FRMPD3: variants seen among roughly 807,000 people sequenced by gnomAD.
FRMPD3 encodes FERM and PDZ domain containing 3, also known as FERM and PDZ domain-containing protein 3.
FRMPD3 carries 42 observed loss-of-function variants against 97.9 expected under a neutral mutation model. That is an observed-to-expected ratio of 0.43 (90% CI 0.34 to 0.55). The LOEUF is 0.55. FRMPD3 is among the 20% of genes least tolerant of loss of function. FRMPD3 has a pLI of 0.03. For synonymous variants in FRMPD3, 577 were observed against 581.1 expected, an observed-to-expected ratio of 0.99 and a Z score of 0.10; for missense variants, 1,303 against 1,457.7, an observed-to-expected ratio of 0.89 and a Z score of 1.73.
chrX:107,502,449 ATAT>A (rs1284439610), intron 1 of FRMPD3, among the ~76,000 whole-genome samples: 1 of 111,190 alleles, frequency 9.0e-6, no homozygotes, highest in Non-Finnish European at 1.9e-5. Context: ...CAACTTCAAC[ATAT>A]TTGGCCTCAT....
rs1312462407 is a variant in FRMPD3 at position 107,604,499 on chromosome X, C to T, written c.*1126C>T. The T allele has an allele frequency of 9.2e-6, 1 of 109,227 alleles. No homozygotes were observed. Among genetic ancestry groups the T allele is most frequent in the Non-Finnish European group, 1.9e-5 (1 of 52,336 alleles). The allele number at this position is 109,227 out of a possible 1,213,427, so 9.0% of individuals were successfully genotyped here. ...GGAGCCATCTGGAAGGGAATTCACACTGTTTAACATCCACCTTGACACACA... is the reference window on the plus strand; with the variant it reads ...GGAGCCATCTGGAAGGGAATTCACATTGTTTAACATCCACCTTGACACACA... On this transcript the variant is annotated 3_prime_UTR_variant, in exon 15 of 15. Transcript: ENST00000683843.
intron 1 of FRMPD3, among the ~76,000 whole-genome samples, chrX:107,499,933 C>T (rs1921865063): frequency 9.0e-6 from 1 of 111,420 alleles, no homozygotes; most frequent in African/African-American, 3.3e-5. Flanking sequence ...TAACTGCCCT[C>T]CAAAACACCA....
intron 8 of FRMPD3, among the ~76,000 whole-genome samples, chrX:107,557,530 CTT>C (rs762713282): frequency 1.8e-5 from 2 of 108,630 alleles, no homozygotes; most frequent in East Asian, 2.9e-4. Flanking sequence ...TCTAAAAAAT[CTT>C]TGTCTAACCC....
intron 1 of FRMPD3, among the ~76,000 whole-genome samples, chrX:107,516,108 G>A (rs1407272750): frequency 1.0e-5 from 1 of 98,750 alleles, no homozygotes; most frequent in African/African-American, 3.8e-5. Context: ...TCCCACCTAT[G>A]AGTGAGAACA....
chrX:107,457,535 A>G (rs1480853525), intron 1 of FRMPD3, among the ~76,000 whole-genome samples: 3 of 111,726 alleles, frequency 2.7e-5, no homozygotes, highest in Non-Finnish European at 3.8e-5. Context: ...AGACACAGCC[A>G]ATGAGCATAG....
intron 12 of FRMPD3, among the ~76,000 whole-genome samples, chrX:107,567,936 G>T (rs745519162): frequency 3.8e-4 from 42 of 110,918 alleles, no homozygotes; most frequent in African/African-American, 1.0e-3. Flanking sequence ...AAAAAGAGGA[G>T]ATGTGAAATA....
chrX:107,522,323 C>T (rs928231471), intron 1 of FRMPD3: 1 of 504,759 alleles, frequency 2.0e-6, no homozygotes, highest in Admixed American at 2.8e-5. Context: ...TAACCATGAT[C>T]TCATTTCATT....
chrX:107,579,099 A>G (rs182150646), intron 13 of FRMPD3, among the ~76,000 whole-genome samples: 7 of 112,142 alleles, frequency 6.2e-5, no homozygotes, highest in African/African-American at 9.7e-5. Flanking sequence ...ACAAAGGCCA[A>G]TAGGGAATAG....
At chrX:107,565,694 CA>C (rs113816307) in intron 12 of FRMPD3, among the ~76,000 whole-genome samples, 54 of 68,023 alleles carry the variant, frequency 7.9e-4, no homozygotes, top group East Asian at 1.3e-3. Context: ...AACCCTGTCT[CA>C]AAAAAAAAAA....
chrX:107,550,966 G>C (rs1921837665), intron 6 of FRMPD3, among the ~76,000 whole-genome samples: 1 of 111,906 alleles, frequency 8.9e-6, no homozygotes, highest in African/African-American at 3.2e-5. Flanking sequence ...TGGGACCAAG[G>C]CAATCCTATA....
intron 1 of FRMPD3, among the ~76,000 whole-genome samples, chrX:107,478,083 T>G (rs998485372): frequency 1.8e-5 from 2 of 112,104 alleles, no homozygotes; most frequent in African/African-American, 6.5e-5. Context: ...GAACAACAGA[T>G]AATCACAGAC....
intron 4 of FRMPD3, among the ~76,000 whole-genome samples, chrX:107,543,546 G>A (rs772463203): frequency 3.6e-5 from 4 of 111,018 alleles, no homozygotes; most frequent in Non-Finnish European, 5.7e-5. Flanking sequence ...GCCGGGCGCC[G>A]TGGCTCATAC....
intron 1 of FRMPD3, among the ~76,000 whole-genome samples, chrX:107,524,783 G>C (rs903366712): frequency 9.1e-6 from 1 of 109,970 alleles, no homozygotes; most frequent in Non-Finnish European, 1.9e-5. Context: ...GCCTGAGGTC[G>C]GGAGTTCAAG....
At chrX:107,533,437 T>C in intron 3 of FRMPD3, 68 bp from the exon 4 acceptor site, 1 of 978,046 alleles carries the variant, frequency 1.0e-6, no homozygotes, top group Non-Finnish European at 1.4e-6. Flanking sequence ...ATTCTGGTGT[T>C]GCTTCTTGTA....
In FRMPD3 at chrX:107,563,186, A is replaced by G; in HGVS notation, c.1102A>G (p.Asn368Asp). 1 of 1,207,385 alleles carries G rather than the reference A, an allele frequency of 8.3e-7. No homozygotes were observed. ...TCCTACCTTCACGGGCGTTTTGTTCAACACTGTAGGCCTGGTCAGTGGCGC... is the reference window on the plus strand; with the variant it reads ...TCCTACCTTCACGGGCGTTTTGTTCGACACTGTAGGCCTGGTCAGTGGCGC... Reference protein sequence around the residue: ...ELPTFTGVLFNTVGLDEKQSA... With the variant: ...ELPTFTGVLFDTVGLDEKQSA... Residue 368 changes from asparagine to aspartate, a missense_variant, in exon 11 of 15, where the codon AAC becomes GAC. By Grantham distance (23) the Asn-to-Asp change is conservative. Around this residue, in one of 3 missense-constraint regions of FRMPD3, gnomAD observed 535 missense variants for 618.6 expected, o/e 0.86. Coordinates refer to ENST00000683843, the MANE Select transcript of FRMPD3 (RefSeq NM_001388459.1).
intron 1 of FRMPD3, among the ~76,000 whole-genome samples, chrX:107,456,731 C>T (rs73521073): frequency 0.033 from 3,655 of 112,068 alleles, 140 homozygotes; most frequent in African/African-American, 0.11. Context: ...TTCAACAGCC[C>T]TCTCTCTTTG....
chrX:107,557,797 CTATATATATATATATATATA>C (rs59276897), intron 8 of FRMPD3, among the ~76,000 whole-genome samples: 615 of 30,034 alleles, frequency 0.02, 11 homozygotes, highest in South Asian at 0.058. Context: ...AATCTGTTGT[CTATATATATATATATATATA>C]TATATATATA....
chrX:107,486,546 A>G (rs931510032), intron 1 of FRMPD3, among the ~76,000 whole-genome samples: 1 of 112,585 alleles, frequency 8.9e-6, no homozygotes, highest in Non-Finnish European at 1.9e-5. Context: ...GAAGGGTCCA[A>G]CTTTTTCTTT....
At chrX:107,464,694 G>C (rs929551014) in intron 1 of FRMPD3, among the ~76,000 whole-genome samples, 1 of 111,601 alleles carries the variant, frequency 9.0e-6, no homozygotes, top group African/African-American at 3.3e-5. Flanking sequence ...ACTTTGCAGA[G>C]TTCTCAATTT....
Sources: allele counts gnomAD v4.1 joint callset (sites outside exome capture counted in the v4.1 genomes callset), GRCh38; gene constraint gnomAD v4.1.1; regional missense constraint gnomAD v4.1.1; transcripts MANE v1.5; gene names NCBI Gene and HGNC (gene_info 2026-07-23, HGNC 2026-07-21).